Variants in MTMR12 observed in about 807,000 individuals in gnomAD.
MTMR12 encodes the protein myotubularin-related protein 12.
In MTMR12, 33 loss-of-function variants were observed where a neutral mutation model predicts 96.7. That is an observed-to-expected ratio of 0.34 (90% CI 0.26 to 0.46). MTMR12 has a LOEUF of 0.46. Among genes scored for constraint, MTMR12 ranks in the 20% least tolerant of loss-of-function variants. The pLI is 1.00. For synonymous variants in MTMR12, 298 were observed against 327.2 expected, an observed-to-expected ratio of 0.91 and a Z score of 0.96; for missense variants, 721 against 896.1, an observed-to-expected ratio of 0.80 and a Z score of 2.49.
intron 1 of MTMR12, among the ~76,000 whole-genome samples, chr5:32,304,153 C>G (rs1751260582): frequency 6.6e-6 from 1 of 152,088 alleles, no homozygotes; most frequent in African/African-American, 2.4e-5. Context: ...AACCCTGTCT[C>G]TACTAAAAAT....
At chr5:32,304,090 G>A (rs939542792) in intron 1 of MTMR12, among the ~76,000 whole-genome samples, 1 of 152,092 alleles carries the variant, frequency 6.6e-6, no homozygotes, top group African/African-American at 2.4e-5. Context: ...TGGGAGCCGA[G>A]GCGGGCGGAT....
chr5:32,283,187 A>G (rs1351446052), intron 1 of MTMR12, among the ~76,000 whole-genome samples: 1 of 152,212 alleles, frequency 6.6e-6, no homozygotes, highest in Non-Finnish European at 1.5e-5. Context: ...CAAACTTTAC[A>G]ATTGAATGAG....
At position 32,233,844 on chromosome 5, in the gene MTMR12, A is replaced by G. The variant is rs746741874; in HGVS notation, c.1603T>C (p.Leu535=). The stretch of plus-strand genomic sequence containing the variant: ...TCCACATAAAGAGGGTTTTTGAGCA[A>G]TGTCTGGGCTTTGGGTTCAAACTGC... ...SVQFEPKAQT[L]LKNPLYVEKP... Residue 535 remains leucine, a synonymous_variant, in exon 15 of 16, where the codon TTG becomes CTG. Transcript: ENST00000382142. This position sits in a 1 kb window ranked among gnomAD's most constrained non-coding sequence, Gnocchi z 5.0. 5.1e-5 allele frequency: 83 copies of G among 1,613,964 alleles called. No homozygotes were observed. Among genetic ancestry groups the G allele is most frequent in the Non-Finnish European group, 6.9e-5 (81 of 1,180,036 alleles).
intron 8 of MTMR12, among the ~76,000 whole-genome samples, chr5:32,250,878 G>A (rs192819651): frequency 6.6e-6 from 1 of 152,216 alleles, no homozygotes; most frequent in African/African-American, 2.4e-5. Context: ...GGTCAAAGAG[G>A]CTTCTCACAG....
In MTMR12 at chr5:32,242,017, A is replaced by C. The variant is rs1179695264; in HGVS notation, c.1171+40T>G. On this transcript the variant is annotated intron_variant, in intron 12 of 15. Transcript: ENST00000382142. ...TATACAAAAATTGAATCTCAAGTGAAGGAAAATGGAAATCATCCTTTGTGC... is the reference window on the plus strand; with the variant it reads ...TATACAAAAATTGAATCTCAAGTGACGGAAAATGGAAATCATCCTTTGTGC... The C allele has an allele frequency of 2.0e-6, 3 of 1,536,036 alleles. No individual in the cohort carries two copies. In the East Asian group the frequency reaches 6.8e-5, roughly 35 times the overall value.
At chr5:32,243,758 A>G (rs1315421826) in intron 10 of MTMR12, among the ~76,000 whole-genome samples, 159 bp from the exon 11 acceptor site, 1 of 152,226 alleles carries the variant, frequency 6.6e-6, no homozygotes, top group Non-Finnish European at 1.5e-5. Flanking sequence ...GGTCATTTCA[A>G]AACTTCAGCT....
At chr5:32,268,611 C>G in intron 6 of MTMR12, 90 bp downstream of exon 6, 1 of 1,040,892 alleles carries the variant, frequency 9.6e-7, no homozygotes, top group Non-Finnish European at 1.5e-6. Flanking sequence ...AAAAACAAAA[C>G]AACCCATAGA....
At chr5:32,309,828 T>C (rs191367550) in intron 1 of MTMR12, 5 of 152,126 alleles carry the variant, frequency 3.3e-5, no homozygotes, top group Admixed American at 2.6e-4. Context: ...CCAGTTAAAA[T>C]GGCTTATATC....
chr5:32,236,817 A>G (rs1368459901), intron 13 of MTMR12, among the ~76,000 whole-genome samples: 1 of 151,674 alleles, frequency 6.6e-6, no homozygotes, highest in Non-Finnish European at 1.5e-5. Flanking sequence ...AGCCTGGGCA[A>G]CACGAGCGAA....
chr5:32,264,404 G>A (rs1046794938), intron 6 of MTMR12, among the ~76,000 whole-genome samples: 5 of 151,900 alleles, frequency 3.3e-5, no homozygotes, highest in African/African-American at 9.7e-5. Context: ...GAATAATGAT[G>A]ATGATAATAG....
intron 8 of MTMR12, among the ~76,000 whole-genome samples, chr5:32,254,191 G>A (rs1344620108): frequency 6.6e-6 from 1 of 152,146 alleles, no homozygotes; most frequent in Admixed American, 6.5e-5. Context: ...ATCCGTTTTC[G>A]AAGTGTAGTA....
At position 32,255,759 on chromosome 5, in the gene MTMR12, T is replaced by C. The variant is rs1440317785; in HGVS notation, c.723A>G (p.Ala241=). The C allele has an allele frequency of 6.2e-7, 1 of 1,612,334 alleles. No homozygotes were observed. Among genetic ancestry groups the C allele is most frequent in the South Asian group, 1.1e-5 (1 of 90,504 alleles). Reference sequence around the variant, plus strand: ...GAAGAGGGGTGGGGACAACAAAGTATGCTGGCAATCTAGAAGAAAGAAATG... The same window carrying C: ...GAAGAGGGGTGGGGACAACAAAGTACGCTGGCAATCTAGAAGAAAGAAATG... The part of the protein sequence containing the change: ...EGYKVCERLP[A]YFVVPTPLPE... Residue 241 remains alanine, a synonymous_variant, in exon 8 of 16, where the codon GCA becomes GCG. Coordinates refer to ENST00000382142, the MANE Select transcript of MTMR12 (RefSeq NM_001040446.3).
chr5:32,267,633 T>C (rs1162697578), intron 6 of MTMR12, among the ~76,000 whole-genome samples: 2 of 152,186 alleles, frequency 1.3e-5, no homozygotes, highest in African/African-American at 4.8e-5. Flanking sequence ...AACTGTCCCA[T>C]TTCCCCTAAA....
At chr5:32,269,554 C>G (rs1749752050) in intron 5 of MTMR12, among the ~76,000 whole-genome samples, 1 of 152,324 alleles carries the variant, frequency 6.6e-6, no homozygotes, top group South Asian at 2.1e-4. Context: ...ATCCACCCAC[C>G]TCGGCCTCCC....
chr5:32,260,595 T>C (rs1749326671), intron 7 of MTMR12, among the ~76,000 whole-genome samples: 1 of 151,600 alleles, frequency 6.6e-6, no homozygotes, highest in Non-Finnish European at 1.5e-5. Context: ...GCTAGCTTTA[T>C]CCTTTCAAGC....
chr5:32,301,666 G>A (rs1751147188), intron 1 of MTMR12, among the ~76,000 whole-genome samples: 1 of 152,126 alleles, frequency 6.6e-6, no homozygotes, highest in Non-Finnish European at 1.5e-5. Context: ...CGAGGTGGGT[G>A]GATCACCTGA....
At chr5:32,298,547 G>C (rs1751008983) in intron 1 of MTMR12, among the ~76,000 whole-genome samples, 1 of 152,172 alleles carries the variant, frequency 6.6e-6, no homozygotes, top group Non-Finnish European at 1.5e-5. Context: ...AACTGTGCAG[G>C]AAGGGAGGCC....
intron 1 of MTMR12, among the ~76,000 whole-genome samples, chr5:32,307,026 G>A (rs1289715335): frequency 6.6e-6 from 1 of 151,994 alleles, no homozygotes; most frequent in Non-Finnish European, 1.5e-5. Context: ...CAACTGACAT[G>A]GAAAGATGTT....
intron 1 of MTMR12, 102 bp from the exon 2 acceptor site, chr5:32,276,844 CA>C: frequency 1.5e-6 from 1 of 685,176 alleles, no homozygotes; most frequent in South Asian, 2.0e-5. Flanking sequence ...CACATACCCT[CA>C]GGAGCTTTTC....
Sources: gnomAD v4.1 joint callset for allele counts (sites outside exome capture counted in the v4.1 genomes callset) on GRCh38, gnomAD v4.1.1 for gene constraint, Gnocchi (gnomAD v3.1) non-coding constraint, MANE v1.5 for transcripts, NCBI Gene and HGNC (gene_info 2026-07-23, HGNC 2026-07-21) for gene names.